The following OPRD1 variants were observed in gnomAD, a reference collection of about 807,000 sequenced individuals.
OPRD1 encodes opioid receptor delta 1.
Under a neutral mutation model 17.5 loss-of-function variants are expected in OPRD1, and 19 were observed. The observed-to-expected ratio is 1.09, with a 90% CI of 0.76 to 1.60. The LOEUF is 1.60. OPRD1 is among the 40% of genes most tolerant of loss of function. OPRD1 has a pLI of 0.00. For synonymous variants in OPRD1, 256 were observed against 240.9 expected, an observed-to-expected ratio of 1.06 and a Z score of -0.58; for missense variants, 483 against 547.2, an observed-to-expected ratio of 0.88 and a Z score of 1.17.
rs1189349505 is a variant in OPRD1, at chr1:28,868,267, G to C, written c.*4984G>C. 1.3e-5 allele frequency: 2 copies of C among 152,192 alleles called. No homozygotes were observed. The highest frequency in any genetic ancestry group is 6.6e-5 in the Admixed American group (1 of 15,266). The allele number at this position is 152,192 out of a possible 1,614,324, so 9.4% of individuals were successfully genotyped here. On this transcript the variant is annotated 3_prime_UTR_variant, in exon 3 of 3. Transcript: ENST00000234961. Reference sequence around the variant, plus strand: ...TTCTCTGAGCTTCAGTTTCCTTCTAGAGTTGAGATGTGGGAATTGGTCCAT... The same window carrying C: ...TTCTCTGAGCTTCAGTTTCCTTCTACAGTTGAGATGTGGGAATTGGTCCAT...
intron 1 of OPRD1, among the ~76,000 whole-genome samples, chr1:28,852,124 G>T (rs1486035880): frequency 7.3e-6 from 1 of 137,918 alleles, no homozygotes; most frequent in Admixed American, 8.0e-5. Flanking sequence ...CCGAGATCAC[G>T]CAACTGCCCT....
intron 2 of OPRD1, among the ~76,000 whole-genome samples, chr1:28,859,674 T>C (rs1294603109): frequency 6.6e-6 from 1 of 152,100 alleles, no homozygotes; most frequent in East Asian, 1.9e-4. Flanking sequence ...AGAGAGATGG[T>C]TGGATGTCCA....
In OPRD1 at chr1:28,863,103, C is replaced by T. The variant is rs777373669; in HGVS notation, c.939C>T (p.Leu313=). 1.2e-6 allele frequency: 2 copies of T among 1,610,188 alleles called. No individual in the cohort carries two copies. The highest frequency in any genetic ancestry group is 2.2e-5 in the East Asian group (1 of 44,802). The change falls in exon 3 of 3, where the codon CTC becomes CTT. Residue 313 remains leucine, a synonymous_variant. Coordinates refer to ENST00000234961, the MANE Select transcript of OPRD1 (RefSeq NM_000911.4). The stretch of plus-strand genomic sequence containing the variant: ...CGCTGGGCTACGCCAATAGCAGCCT[C>T]AACCCCGTGCTCTACGCTTTCCTCG... ...CIALGYANSS[L]NPVLYAFLDE... is the part of the protein sequence containing the mutation.
chr1:28,838,809 C>G (rs2088873793), intron 1 of OPRD1, among the ~76,000 whole-genome samples: 1 of 152,158 alleles, frequency 6.6e-6, no homozygotes, highest in Non-Finnish European at 1.5e-5. Context: ...TTAGAGCTCA[C>G]CCAAGATCAA....
intron 1 of OPRD1, among the ~76,000 whole-genome samples, chr1:28,846,967 T>C (rs1462522370): frequency 6.6e-6 from 1 of 150,728 alleles, no homozygotes; most frequent in Admixed American, 6.7e-5. Flanking sequence ...TTTCTCTCTT[T>C]CTTCCTTCCT....
chr1:28,822,257 A>G (rs969047992), intron 1 of OPRD1, among the ~76,000 whole-genome samples: 5 of 151,800 alleles, frequency 3.3e-5, no homozygotes, highest in Admixed American at 3.3e-4. Context: ...CTATTTCATT[A>G]TTTCTATAAG....
chr1:28,826,359 C>CA (rs1246632940), intron 1 of OPRD1, among the ~76,000 whole-genome samples: 4 of 151,598 alleles, frequency 2.6e-5, no homozygotes, highest in Admixed American at 6.6e-5. Context: ...CCTGTCTCTA[C>CA]AAAAAAATAC....
chr1:28,813,222 C>G (rs2088646883), intron 1 of OPRD1, among the ~76,000 whole-genome samples: 1 of 152,184 alleles, frequency 6.6e-6, no homozygotes, highest in African/African-American at 2.4e-5. Context: ...ACCCCGAGGG[C>G]GGCAGAGCAT....
Position 28,812,547 on chromosome 1 carries a change from T to G in OPRD1, c.164T>G (p.Leu55Arg). Residue 55 changes from leucine to arginine, a missense_variant, in exon 1 of 3, where the codon CTC (leucine) becomes CGC (arginine). Coordinates refer to ENST00000234961, the MANE Select transcript of OPRD1 (RefSeq NM_000911.4). ...GCCCTGGCAATCGCCATCACCGCGC[T>G]CTACTCGGCCGTGTGCGCCGTGGGG... ...SLALAIAITA[L>R]YSAVCAVGLL... 6.3e-7 allele frequency: 1 copy of G among 1,584,688 alleles called. No homozygotes were observed. The highest frequency in any genetic ancestry group is 8.5e-7 in the Non-Finnish European group (1 of 1,172,316).
intron 1 of OPRD1, among the ~76,000 whole-genome samples, chr1:28,854,051 T>A (rs1489292083): frequency 6.6e-6 from 1 of 151,944 alleles, no homozygotes; most frequent in African/African-American, 2.4e-5. Context: ...AGAAATAAAA[T>A]TTTCTAAAAA....
chr1:28,855,570 T>C (rs942869238), intron 1 of OPRD1, among the ~76,000 whole-genome samples: 1 of 151,088 alleles, frequency 6.6e-6, no homozygotes, highest in Non-Finnish European at 1.5e-5. Flanking sequence ...AGGGGGGCCG[T>C]GAGGAGAGGA....
At chr1:28,859,365 T>C in intron 2 of OPRD1, 62 bp downstream of exon 2, 2 of 1,444,290 alleles carry the variant, frequency 1.4e-6, no homozygotes, top group African/African-American at 2.8e-5. Flanking sequence ...CATGGGCCTT[T>C]GTGGGCTTGC....
chr1:28,865,856 G>A lies in OPRD1; in HGVS notation c.*2573G>A, dbSNP rs1181850599. On this transcript the variant is annotated 3_prime_UTR_variant, in exon 3 of 3. Coordinates refer to ENST00000234961, the MANE Select transcript of OPRD1 (RefSeq NM_000911.4). ...GAACTGGGGAAGACTCCTGAAGGAG[G>A]TGACATTGGAGCCAGGCTGTTTACT... 1.3e-5 allele frequency: 2 copies of A among 152,286 alleles called. No homozygotes were observed. Among genetic ancestry groups the A allele is most frequent in the East Asian group, 3.9e-4 (2 of 5,190 alleles). The allele number at this position is 152,286 out of a possible 1,614,324, so 9.4% of individuals were successfully genotyped here. A position where few individuals can be genotyped will look rare whatever the true frequency, so the allele number is the denominator to read the frequency against.
chr1:28,823,584 C>T (rs918077514), intron 1 of OPRD1, among the ~76,000 whole-genome samples: 12 of 151,844 alleles, frequency 7.9e-5, no homozygotes, highest in African/African-American at 1.2e-4. Flanking sequence ...TTTGTAGAGA[C>T]GGGGTTTCAC....
At chr1:28,861,320 A>G (rs1324052168) in intron 2 of OPRD1, among the ~76,000 whole-genome samples, 7 of 152,094 alleles carry the variant, frequency 4.6e-5, no homozygotes, top group African/African-American at 1.4e-4. Context: ...GTGTTCATCC[A>G]GCCCAAGCCC....
intron 1 of OPRD1, among the ~76,000 whole-genome samples, chr1:28,826,196 TCA>T (rs935060645): frequency 1.4e-4 from 21 of 152,214 alleles, no homozygotes; most frequent in African/African-American, 4.8e-4. Context: ...TCAAAGCAAG[TCA>T]CACACATTTT....
intron 1 of OPRD1, among the ~76,000 whole-genome samples, chr1:28,814,481 G>T (rs1274882768): frequency 9.9e-5 from 15 of 152,232 alleles, no homozygotes. Context: ...CCTAAGGTGG[G>T]CCTGAGAGTA....
Position 28,868,570 on chromosome 1 carries a change from A to ATG in OPRD1, c.*5287_*5288insTG, listed in dbSNP as rs2089193558. ...GAAATGCTCCTCAAGGGCTGGGTGC[A>ATG]GTGGCTCACGCCTGTAATCCTAGCA... On this transcript the variant is annotated 3_prime_UTR_variant, in exon 3 of 3. Transcript: ENST00000234961. 1 of 152,316 alleles carries ATG rather than the reference A, an allele frequency of 6.6e-6. No individual in the cohort carries two copies. The highest frequency in any genetic ancestry group is 2.1e-4 in the South Asian group (1 of 4,828). 9.4% of individuals were successfully genotyped at this position (152,316 alleles called of 1,614,324 possible).
chr1:28,819,448 T>C (rs2088694350), intron 1 of OPRD1, among the ~76,000 whole-genome samples: 1 of 151,842 alleles, frequency 6.6e-6, no homozygotes, highest in Non-Finnish European at 1.5e-5. Context: ...CCCTGGGGAG[T>C]GTGTGTGACT....
Sources: gnomAD v4.1 joint callset for allele counts (sites outside exome capture counted in the v4.1 genomes callset) on GRCh38, gnomAD v4.1.1 for gene constraint, MANE v1.5 for transcripts, NCBI Gene and HGNC (gene_info 2026-07-23, HGNC 2026-07-21) for gene names.